Variants in TLE3 observed in about 807,000 individuals in gnomAD.
The protein encoded by TLE3 is TLE family member 3, transcriptional corepressor.
A neutral mutation model predicts 93.0 loss-of-function variants in TLE3; 14 were observed. The observed-to-expected ratio is 0.15, with a 90% confidence interval of 0.10 to 0.24. The LOEUF (loss-of-function observed/expected upper bound fraction) is 0.24, where lower values mean the gene tolerates loss of function less well. TLE3 is among the 10% of genes least tolerant of loss of function. The pLI is 1.00. For synonymous variants in TLE3, 451 were observed against 425.0 expected (o/e 1.06, Z -0.75); for missense variants, 693 against 1,046.6 (o/e 0.66, Z 4.66).
chr15:70,059,058 G>A (rs1263451680), intron 10 of TLE3, among the ~76,000 whole-genome samples: 2 of 152,210 alleles, frequency 1.3e-5, no homozygotes, highest in African/African-American at 2.4e-5. Flanking sequence ...CAGCATGGCT[G>A]GGTTTGGCCA....
At chr15:70,083,414 G>C (rs958666262) in intron 4 of TLE3, among the ~76,000 whole-genome samples, 1 of 152,258 alleles carries the variant, frequency 6.6e-6, no homozygotes, top group Middle Eastern at 3.4e-3. Flanking sequence ...CTTGTGGGGG[G>C]AGATGGCTCT....
chr15:70,060,699 A>C, intron 8 of TLE3, 50 bp from the exon 9 acceptor site: 1 of 1,603,958 alleles, frequency 6.2e-7, no homozygotes, highest in Non-Finnish European at 8.5e-7. Flanking sequence ...TGCGTGTAAC[A>C]ATTCACACAT....
intron 7 of TLE3, among the ~76,000 whole-genome samples, chr15:70,064,701 C>T (rs1297328187): frequency 6.6e-6 from 1 of 152,046 alleles, no homozygotes; most frequent in African/African-American, 2.4e-5. Context: ...CCAATGCTGC[C>T]CCCACCCCTC....
chr15:70,066,924 C>A, intron 6 of TLE3: 1 of 385,272 alleles, frequency 2.6e-6, no homozygotes, highest in South Asian at 1.9e-5. Flanking sequence ...AGTCCTGGAG[C>A]CTCAAATTTC....
intron 4 of TLE3, among the ~76,000 whole-genome samples, chr15:70,091,827 C>T (rs761570324): frequency 7.9e-5 from 12 of 152,148 alleles, no homozygotes; most frequent in Non-Finnish European, 1.3e-4. Context: ...TCCCATAGAG[C>T]CAGCAAAGGA....
In TLE3 at chr15:70,053,061, C is replaced by G. The variant is rs1394380925; in HGVS notation, c.1974+166G>C. 6.1e-6 allele frequency: 5 copies of G among 825,474 alleles called. No homozygotes were observed. In the African/African-American group the frequency reaches 8.6e-5, roughly 14 times the overall value. The allele number at this position is 825,474 out of a possible 1,614,324, so 51.1% of individuals were successfully genotyped here. A position where few individuals can be genotyped will look rare whatever the true frequency, so the allele number is the denominator to read the frequency against. The stretch of plus-strand genomic sequence containing the variant: ...ACCCCAAGGTCATCTCCATCTGTTT[C>G]ACTGCTGCTTCCTCCAGGAAGCCTT... On this transcript the variant is annotated intron_variant, in intron 17 of 19. Coordinates refer to ENST00000451782, the MANE Select transcript of TLE3 (RefSeq NM_001105192.3).
chr15:70,059,348 G>A, intron 10 of TLE3, 62 bp downstream of exon 10: 2 of 1,548,780 alleles, frequency 1.3e-6, no homozygotes, highest in Non-Finnish European at 8.8e-7. Context: ...TCCCACCCTG[G>A]GGAGGAATAA....
At chr15:70,057,239 G>A (rs8030938) in intron 13 of TLE3, among the ~76,000 whole-genome samples, 80,003 of 152,006 alleles carry the variant, frequency 0.53, 21,424 homozygotes, top group East Asian at 0.75. Context: ...GTCACAGGGC[G>A]GCTCACAGGC....
intron 3 of TLE3, chr15:70,094,881 G>A (rs1347822957): frequency 3.1e-6 from 1 of 327,168 alleles, no homozygotes; most frequent in African/African-American, 2.1e-5. Context: ...AGGGAATCGT[G>A]TGTACACTGG....
rs566290704 is a variant in TLE3, at chr15:70,092,838, T to C, written c.234+1694A>G. ...ATGCGGAACACCACCCATGCAGACC[T>C]CAACATGCAACGAGACATTACACCT... On this transcript the variant is annotated intron_variant, in intron 4 of 19. Transcript: ENST00000451782. Among the ~76,000 whole-genome samples, 6 of 152,240 alleles carry C rather than the reference T, an allele frequency of 3.9e-5. No individual in the cohort carries two copies. The East Asian group carries it at 1.2e-3, about 29-fold the overall frequency.
rs996226571 is a variant in TLE3 at position 70,060,833 on chromosome 15, A to G, written c.595-184T>C. ...CAGGGAAGCCTTCCCCACTCCCCTG[A>G]GACTGAGTCCCCGGGGAGATGCCCT... On this transcript the variant is annotated intron_variant, in intron 8 of 19. Transcript: ENST00000451782. The G allele has an allele frequency of 1.5e-5, 14 of 931,422 alleles. No individual in the cohort carries two copies. The African/African-American group carries it at 1.8e-4, about 12-fold the overall frequency. The allele number at this position is 931,422 out of a possible 1,614,324, so 57.7% of individuals were successfully genotyped here.
Position 70,065,604 on chromosome 15 carries a change from G to T in TLE3, c.577+410C>A, listed in dbSNP as rs947055820. Among the ~76,000 whole-genome samples the T allele has an allele frequency of 2.0e-5, 3 of 152,350 alleles. 1 individual carries two copies. Among genetic ancestry groups the T allele is most frequent in the Admixed American group, 1.3e-4 (2 of 15,304 alleles). On this transcript the variant is annotated intron_variant, in intron 7 of 19. Coordinates refer to ENST00000451782, the MANE Select transcript of TLE3 (RefSeq NM_001105192.3). ...GAGCACAAGACATTTTCCAGGGGTA[G>T]GATGTAAGACGACAGTAACAAGGAC...
chr15:70,056,145 C>A (rs2056000510), intron 14 of TLE3, 153 bp downstream of exon 14: 1 of 833,232 alleles, frequency 1.2e-6, no homozygotes, highest in Non-Finnish European at 2.0e-6. Flanking sequence ...GCAACCAGCC[C>A]TCGGTGCCTC....
rs1162441547 is a variant in TLE3, at chr15:70,057,829, G to A, written c.1052-171C>T. 1.7e-5 allele frequency: 14 copies of A among 847,130 alleles called. No individual in the cohort carries two copies. The South Asian group carries it at 2.3e-4, about 14-fold the overall frequency. The allele number at this position is 847,130 out of a possible 1,614,324, so 52.5% of individuals were successfully genotyped here. A position where few individuals can be genotyped will look rare whatever the true frequency, so the allele number is the denominator to read the frequency against. On this transcript the variant is annotated intron_variant, in intron 12 of 19. Transcript: ENST00000451782. ...CTGCCTTCAGAGCCAAAGAAGCTTA[G>A]AGCTTGGCAGATGCACCCACCTCTT...
At chr15:70,086,259 G>C (rs1473644150) in intron 4 of TLE3, among the ~76,000 whole-genome samples, 1 of 152,142 alleles carries the variant, frequency 6.6e-6, no homozygotes, top group Non-Finnish European at 1.5e-5. Flanking sequence ...GCACTGAACT[G>C]CCTTCCTCTT....
Position 70,096,530 on chromosome 15 carries a change from C to G in TLE3, c.24+245G>C, listed in dbSNP as rs367744021. The G allele has an allele frequency of 3.0e-6, 4 of 1,337,336 alleles. No homozygotes were observed. The South Asian group carries it at 5.1e-5, about 17-fold the overall frequency. The allele number at this position is 1,337,336 out of a possible 1,614,324, so 82.8% of individuals were successfully genotyped here. ...ACAAGCCGGGTGAGTTGGGAGACTT[C>G]AGAGCGGGGCCGGGGACCGCGTGAA... On this transcript the variant is annotated intron_variant, in intron 1 of 19. Coordinates refer to ENST00000451782, the MANE Select transcript of TLE3 (RefSeq NM_001105192.3).
intron 7 of TLE3, among the ~76,000 whole-genome samples, chr15:70,064,988 T>C (rs2141625842): frequency 6.6e-6 from 1 of 152,188 alleles, no homozygotes; most frequent in South Asian, 2.1e-4. Flanking sequence ...TTTGTCAGGA[T>C]GCCCCTAAAA....
intron 15 of TLE3, 145 bp downstream of exon 15, chr15:70,054,904 T>G: frequency 3.1e-6 from 4 of 1,304,626 alleles, no homozygotes; most frequent in Non-Finnish European, 4.1e-6. Flanking sequence ...AAGGCACAAC[T>G]GAGGCTCAGA....
chr15:70,069,029 A>G (rs2056983886), intron 6 of TLE3, among the ~76,000 whole-genome samples: 1 of 152,224 alleles, frequency 6.6e-6, no homozygotes. Context: ...GCAGGTGCTC[A>G]ATCTTAGCAA....
Sources: gnomAD v4.1 joint callset for allele counts (sites outside exome capture counted in the v4.1 genomes callset) on GRCh38, gnomAD v4.1.1 for gene constraint, MANE v1.5 for transcripts, NCBI Gene and HGNC (gene_info 2026-07-23, HGNC 2026-07-21) for gene names.